USP9X: variants seen among roughly 807,000 people sequenced by gnomAD.
USP9X encodes the protein ubiquitin specific peptidase 9 X-linked.
Under a neutral mutation model 190.3 loss-of-function variants are expected in USP9X, and 7 were observed. The ratio of observed to expected loss-of-function variants is 0.04; its 90% CI spans 0.02 to 0.07. USP9X has a LOEUF of 0.07. Ranked by LOEUF, USP9X falls within the 10% of genes least tolerant of loss-of-function variation. USP9X has a pLI of 1.00. For synonymous variants in USP9X, 645 were observed against 659.5 expected (o/e 0.98, Z 0.34); for missense variants, 1,010 against 1,916.9 (o/e 0.53, Z 8.83).
intron 15 of USP9X, among the ~76,000 whole-genome samples, chrX:41,164,638 G>A (rs2062663294): frequency 8.9e-6 from 1 of 112,155 alleles, no homozygotes; most frequent in African/African-American, 3.2e-5. Context: ...TGTTGGGCCT[G>A]TGCCAGACAC....
rs776792014 is a variant in USP9X, at chrX:41,216,471, T to C, written c.5904T>C (p.Tyr1968=). The C allele has an allele frequency of 1.2e-5, 15 of 1,209,233 alleles. No homozygotes were observed. The South Asian group carries it at 1.8e-4, about 14-fold the overall frequency. The change falls in exon 35 of 45, where the codon TAT becomes TAC. Residue 1968 remains tyrosine (Y), a synonymous_variant. Coordinates refer to ENST00000378308, the MANE Select transcript of USP9X (RefSeq NM_001039591.3). ...TIDQDDELIR[Y]ISELAITTRP... Reference sequence around the variant, plus strand: ...ACCAAGATGATGAGTTGATAAGATATATATCAGAGCTTGCTATCACCACCA... The same window carrying C: ...ACCAAGATGATGAGTTGATAAGATACATATCAGAGCTTGCTATCACCACCA...
At chrX:41,125,670 ACACACACACACACACT>A (rs1354730311) in intron 2 of USP9X, among the ~76,000 whole-genome samples, 32 of 58,853 alleles carry the variant, frequency 5.4e-4, no homozygotes, top group African/African-American at 1.9e-3. Flanking sequence ...ACACACACAC[ACACACACACACACACT>A]CTCTCTCTCT....
chrX:41,194,731 G>A (rs2062967343), intron 26 of USP9X, among the ~76,000 whole-genome samples: 1 of 110,876 alleles, frequency 9.0e-6, no homozygotes, highest in African/African-American at 3.3e-5. Flanking sequence ...CAGGACCTTT[G>A]GCATCAAGAA....
At chrX:41,101,648 G>A (rs994170252) in intron 1 of USP9X, among the ~76,000 whole-genome samples, 10 of 109,917 alleles carry the variant, frequency 9.1e-5, no homozygotes, top group Non-Finnish European at 1.9e-4. Flanking sequence ...CAGCCTGGGC[G>A]ACTGAGCAAG....
chrX:41,212,430 T>A (rs983028373), intron 33 of USP9X, among the ~76,000 whole-genome samples: 1 of 79,868 alleles, frequency 1.3e-5, no homozygotes, highest in African/African-American at 5.1e-5. Context: ...CAAATCCCCC[T>A]CTGCAAGAAA....
chrX:41,112,423 T>C (rs1395125109), intron 1 of USP9X, among the ~76,000 whole-genome samples: 1 of 112,386 alleles, frequency 8.9e-6, no homozygotes, highest in African/African-American at 3.2e-5. Flanking sequence ...TGATCTTGTA[T>C]AAGCTCAGTG....
At chrX:41,172,037 C>T (rs372463828) in intron 21 of USP9X, 79 bp downstream of exon 21, 154 of 1,127,748 alleles carry the variant, frequency 1.4e-4, no homozygotes, top group East Asian at 2.1e-4. Flanking sequence ...CTAAATGGAC[C>T]GTGCTTTTTG....
chrX:41,147,194 T>G (rs895724069), intron 11 of USP9X, among the ~76,000 whole-genome samples: 1 of 110,270 alleles, frequency 9.1e-6, no homozygotes, highest in African/African-American at 3.3e-5. Flanking sequence ...TTTTTTAATT[T>G]TACTAGAGCA....
At chrX:41,209,089 A>G (rs1458265542) in intron 32 of USP9X, among the ~76,000 whole-genome samples, 1 of 112,048 alleles carries the variant, frequency 8.9e-6, no homozygotes, top group Non-Finnish European at 1.9e-5. Flanking sequence ...AAGAGATCAT[A>G]TATCAGAATA....
At chrX:41,195,931 A>G (rs1184533795) in intron 26 of USP9X, 1 of 387,673 alleles carries the variant, frequency 2.6e-6, no homozygotes. Flanking sequence ...AAAAAGATGC[A>G]TAAGGTTATT....
chrX:41,138,425 A>G (rs894527626), intron 6 of USP9X, among the ~76,000 whole-genome samples: 1 of 112,360 alleles, frequency 8.9e-6, no homozygotes, highest in Non-Finnish European at 1.9e-5. Context: ...CTGTAGATTC[A>G]CTTTCGGATA....
At chrX:41,196,968 A>G (rs1175419765) in intron 28 of USP9X, among the ~76,000 whole-genome samples, 1 of 112,111 alleles carries the variant, frequency 8.9e-6, no homozygotes, top group African/African-American at 3.2e-5. Flanking sequence ...ACTGATGTTC[A>G]GCTTCTTTTA....
chrX:41,169,887 T>C (rs2062710004), intron 18 of USP9X, 108 bp from the exon 19 acceptor site: 1 of 972,702 alleles, frequency 1.0e-6, no homozygotes, highest in Non-Finnish European at 1.4e-6. Flanking sequence ...CACATCCTCT[T>C]GTTTAATAAG....
intron 1 of USP9X, among the ~76,000 whole-genome samples, chrX:41,109,035 G>C (rs1468302562): frequency 9.0e-6 from 1 of 111,492 alleles, no homozygotes; most frequent in Non-Finnish European, 1.9e-5. Context: ...TGGGTCGGGG[G>C]AGGTGTGTTC....
chrX:41,236,220 CAT>C lies in USP9X; in HGVS notation c.*3701_*3702del, dbSNP rs1169460775. On this transcript the variant is annotated 3_prime_UTR_variant, in exon 45 of 45. Transcript: ENST00000378308. ...TAGGACTCAACCAGAATTGGTCCTACATATATGTGAGTGTTCAGTTTTTGCAA... is the reference window on the plus strand; with the variant it reads ...TAGGACTCAACCAGAATTGGTCCTACATATGTGAGTGTTCAGTTTTTGCAA... 1 of 111,344 alleles carries C rather than the reference CAT, an allele frequency of 9.0e-6. No homozygotes were observed. Among genetic ancestry groups the C allele is most frequent in the Non-Finnish European group, 1.9e-5 (1 of 53,075 alleles). 9.2% of individuals were successfully genotyped at this position (111,344 alleles called of 1,213,427 possible).
rs759609017 is a variant in USP9X at position 41,197,459 on chromosome X, T to A, written c.4329T>A (p.Ser1443=). The A allele has an allele frequency of 1.7e-6, 2 of 1,204,246 alleles. No homozygotes were observed. The highest frequency in any genetic ancestry group is 6.0e-5 in the East Asian group (2 of 33,370). ...VTKELLAFQT[S]EKKFHIGCEK... is the part of the protein sequence containing the mutation. Reference sequence around the variant, plus strand: ...AGGAGTTACTGGCCTTTCAAACTTCTGAGAAAAAATTTCATATTGGTTGTG... The same window carrying A: ...AGGAGTTACTGGCCTTTCAAACTTCAGAGAAAAAATTTCATATTGGTTGTG... Residue 1443 remains serine, a synonymous_variant, in exon 29 of 45, where the codon TCT becomes TCA. Transcript: ENST00000378308.
chrX:41,197,120 A>G (rs2062990455), intron 28 of USP9X, among the ~76,000 whole-genome samples: 1 of 112,373 alleles, frequency 8.9e-6, no homozygotes, highest in Non-Finnish European at 1.9e-5. Context: ...TGATACAAGA[A>G]TTTATTTCTG....
intron 7 of USP9X, 49 bp downstream of exon 7, chrX:41,140,820 T>G (rs369318384): frequency 2.5e-5 from 28 of 1,110,631 alleles, no homozygotes; most frequent in South Asian, 4.4e-5. Context: ...GAATTGCTGG[T>G]TTTTGCTTCA....
intron 32 of USP9X, among the ~76,000 whole-genome samples, chrX:41,206,497 A>G (rs2063097784): frequency 9.0e-6 from 1 of 111,058 alleles, no homozygotes; most frequent in Non-Finnish European, 1.9e-5. Context: ...CGGAGGACAA[A>G]TAGTTTAGCA....
Sources: allele counts gnomAD v4.1 joint callset (sites outside exome capture counted in the v4.1 genomes callset), GRCh38; gene constraint gnomAD v4.1.1; transcripts MANE v1.5; gene names NCBI Gene and HGNC (gene_info 2026-07-23, HGNC 2026-07-21).